Variants in DACH1 observed in about 807,000 individuals in gnomAD.
The protein encoded by DACH1 is dachshund family transcription factor 1.
A neutral mutation model predicts 54.2 loss-of-function variants in DACH1; 12 were observed. That is an observed-to-expected ratio of 0.22 (90% CI 0.14 to 0.36). The LOEUF (loss-of-function observed/expected upper bound fraction) is 0.36, where lower values mean the gene tolerates loss of function less well. DACH1 is among the 10% of genes least tolerant of loss of function. The probability of loss-of-function intolerance (pLI) is 1.00; values close to 1 mark genes in which losing one functional copy is unlikely to be tolerated. For synonymous variants in DACH1, 386 were observed against 366.2 expected (o/e 1.05, Z -0.62); for missense variants, 805 against 929.8 (o/e 0.87, Z 1.75).
At chr13:71,659,471 A>G (rs1281384901) in intron 2 of DACH1, among the ~76,000 whole-genome samples, 2 of 152,136 alleles carry the variant, frequency 1.3e-5, no homozygotes, top group Non-Finnish European at 2.9e-5. Flanking sequence ...CTTGTAAAGC[A>G]AAGAGTGGCT....
chr13:71,440,863 C>A (rs1209611251), intron 10 of DACH1, among the ~76,000 whole-genome samples, 171 bp from the exon 11 acceptor site: 4 of 151,938 alleles, frequency 2.6e-5, no homozygotes, highest in Non-Finnish European at 5.9e-5. Flanking sequence ...CATAATTACA[C>A]TGAGTTTATG....
intron 1 of DACH1, among the ~76,000 whole-genome samples, chr13:71,726,867 A>C (rs1368079937): frequency 6.6e-6 from 1 of 152,088 alleles, no homozygotes; most frequent in Non-Finnish European, 1.5e-5. Context: ...TAACTTTCTC[A>C]GAATTAAAAA....
intron 10 of DACH1, among the ~76,000 whole-genome samples, chr13:71,454,375 A>G (rs1875358727): frequency 6.6e-6 from 1 of 152,124 alleles, no homozygotes; most frequent in African/African-American, 2.4e-5. Context: ...CCTGCCTCCT[A>G]CAATTACAGC....
intron 1 of DACH1, among the ~76,000 whole-genome samples, chr13:71,825,463 T>C (rs1416329037): frequency 1.3e-5 from 2 of 152,132 alleles, no homozygotes; most frequent in African/African-American, 4.8e-5. Context: ...AGTGTCACTT[T>C]CCACCCCAAT....
At chr13:71,690,958 C>G (rs1156740490) in intron 1 of DACH1, among the ~76,000 whole-genome samples, 1 of 152,180 alleles carries the variant, frequency 6.6e-6, no homozygotes, top group African/African-American at 2.4e-5. Context: ...TTTACACCAA[C>G]TATGAACTCC....
Position 71,610,968 on chromosome 13 carries a change from G to GTC in DACH1, c.1126+19586_1126+19587dup, listed in dbSNP as rs556695098. ...GCAATCTAACCTGATAATCACTCTT[G>GTC]TCTCTCTCTCTGACATTTGAGCCCC... On this transcript the variant is annotated intron_variant, in intron 3 of 10. Transcript: ENST00000613252. Among the ~76,000 whole-genome samples the GTC allele has an allele frequency of 4.2e-3, 640 of 152,150 alleles. 4 individuals carry two copies. The highest frequency in any genetic ancestry group is 7.2e-3 in the Non-Finnish European group (487 of 68,004).
intron 1 of DACH1, among the ~76,000 whole-genome samples, chr13:71,805,290 C>A (rs1454292595): frequency 6.6e-6 from 1 of 152,114 alleles, no homozygotes; most frequent in African/African-American, 2.4e-5. Context: ...GTTTTGAGGA[C>A]AACCACCAAA....
At chr13:71,526,053 T>C (rs1465533498) in intron 6 of DACH1, among the ~76,000 whole-genome samples, 1 of 152,118 alleles carries the variant, frequency 6.6e-6, no homozygotes, top group Non-Finnish European at 1.5e-5. Context: ...AGGGCAAAAA[T>C]ATTGCTTTAT....
At chr13:71,595,214 C>T (rs1037101043) in intron 3 of DACH1, among the ~76,000 whole-genome samples, 11 of 151,898 alleles carry the variant, frequency 7.2e-5, no homozygotes, top group Non-Finnish European at 1.3e-4. Flanking sequence ...TGTTAAGGAG[C>T]CCTGTTTGGC....
intron 1 of DACH1, among the ~76,000 whole-genome samples, chr13:71,856,932 A>G (rs2138279431): frequency 6.6e-6 from 1 of 151,984 alleles, no homozygotes; most frequent in African/African-American, 2.4e-5. Flanking sequence ...AGCTTTTAGA[A>G]CAGTCTCTTT....
intron 1 of DACH1, among the ~76,000 whole-genome samples, chr13:71,700,337 C>T (rs1882057374): frequency 6.6e-6 from 1 of 152,054 alleles, no homozygotes; most frequent in Non-Finnish European, 1.5e-5. Context: ...TTGGGCGGAT[C>T]ACGAGGTCAG....
At chr13:71,450,468 C>T (rs1193841365) in intron 10 of DACH1, among the ~76,000 whole-genome samples, 1 of 152,044 alleles carries the variant, frequency 6.6e-6, no homozygotes, top group Non-Finnish European at 1.5e-5. Context: ...CTGATTACCC[C>T]ATCTCTCTCC....
intron 1 of DACH1, 121 bp downstream of exon 1, chr13:71,865,801 G>A (rs1485677162): frequency 2.3e-6 from 3 of 1,303,510 alleles, no homozygotes; most frequent in African/African-American, 1.6e-5. Flanking sequence ...AGAGGGCCGC[G>A]CTCGCCGGGG....
intron 10 of DACH1, among the ~76,000 whole-genome samples, chr13:71,470,410 GTGATTCTCCTGCCTCAGCC>G (rs938297141): frequency 4.0e-5 from 6 of 151,766 alleles, no homozygotes; most frequent in Middle Eastern, 3.4e-3. Context: ...AAAGGTTCAA[GTGATTCTCCTGCCTCAGCC>G]TGATTCTCCT....
intron 6 of DACH1, among the ~76,000 whole-genome samples, chr13:71,550,610 A>G (rs1308035324): frequency 2.0e-5 from 3 of 152,120 alleles, no homozygotes; most frequent in African/African-American, 7.2e-5. Context: ...ATTTTCCTCA[A>G]TTGTCATTGA....
At chr13:71,830,299 T>C (rs1391417464) in intron 1 of DACH1, among the ~76,000 whole-genome samples, 1 of 151,902 alleles carries the variant, frequency 6.6e-6, no homozygotes, top group Admixed American at 6.6e-5. Flanking sequence ...AATTGAGTAC[T>C]ATTGTTCTGG....
At chr13:71,475,645 TA>T in intron 9 of DACH1, 60 bp downstream of exon 9, 1 of 1,545,918 alleles carries the variant, frequency 6.5e-7, no homozygotes. Flanking sequence ...AACACATGCC[TA>T]AACTGTCCTT....
chr13:71,708,931 C>T lies in DACH1; in HGVS notation c.849-27021G>A, dbSNP rs1268050106. Reference sequence around the variant, plus strand: ...GCAGTGGCGCGATCTCGGCTCACTGCAAGCTCAGCCTCCCGGGTTCACGCC... The same window carrying T: ...GCAGTGGCGCGATCTCGGCTCACTGTAAGCTCAGCCTCCCGGGTTCACGCC... On this transcript the variant is annotated intron_variant, in intron 1 of 10. Transcript: ENST00000613252. Among the ~76,000 whole-genome samples, 17 of 147,294 alleles carry T rather than the reference C, an allele frequency of 1.2e-4. 1 individual carries two copies.
intron 3 of DACH1, among the ~76,000 whole-genome samples, chr13:71,579,439 G>A (rs1374942733): frequency 6.6e-6 from 1 of 152,002 alleles, no homozygotes; most frequent in Non-Finnish European, 1.5e-5. Context: ...AAGAGAACGG[G>A]AAACAAACCG....
Sources: gnomAD v4.1 joint callset for allele counts (sites outside exome capture counted in the v4.1 genomes callset) on GRCh38, gnomAD v4.1.1 for gene constraint, MANE v1.5 for transcripts, NCBI Gene and HGNC (gene_info 2026-07-23, HGNC 2026-07-21) for gene names.